COX4I1: variants seen among roughly 807,000 people sequenced by gnomAD.
The protein encoded by COX4I1 is cytochrome c oxidase subunit 4 isoform 1, mitochondrial.
Under a neutral mutation model 21.7 loss-of-function variants are expected in COX4I1, and 18 were observed. That is an observed-to-expected ratio of 0.83 (90% CI 0.57 to 1.23). COX4I1 has a LOEUF of 1.23. COX4I1 is among the 50% of genes most tolerant of loss of function. The pLI is 0.00. For missense variants in COX4I1, 238 were observed against 220.7 expected (o/e 1.08, Z -0.50); for synonymous variants, 100 against 81.5 (o/e 1.23, Z -1.23).
In COX4I1 at chr16:85,801,308, G is replaced by C. The variant is rs971942769; in HGVS notation, c.73+30G>C. The stretch of plus-strand genomic sequence containing the variant: ...GTGTGACTTTTCTTACTTTTAAATA[G>C]GCTGAACTAATTTCATTTTGCTCCT... On this transcript the variant is annotated intron_variant, in intron 2 of 4. Coordinates refer to ENST00000253452, the MANE Select transcript of COX4I1 (RefSeq NM_001861.6). The C allele has an allele frequency of 1.9e-6, 3 of 1,583,716 alleles. No individual in the cohort carries two copies. The African/African-American group carries it at 4.0e-5, about 21-fold the overall frequency.
At chr16:85,805,896 T>C in intron 4 of COX4I1, 32 bp downstream of exon 4, 1 of 1,613,222 alleles carries the variant, frequency 6.2e-7, no homozygotes, top group South Asian at 1.1e-5. Flanking sequence ...CATGGGCGCC[T>C]GGACTGGGGC....
chr16:85,800,565 A>C (rs377521175), intron 1 of COX4I1, among the ~76,000 whole-genome samples: 19 of 152,328 alleles, frequency 1.2e-4, no homozygotes, highest in African/African-American at 4.6e-4. Context: ...CTGTCACGGC[A>C]GCACAGTGCT....
At chr16:85,801,571 A>G (rs1905768576) in intron 2 of COX4I1, among the ~76,000 whole-genome samples, 1 of 152,086 alleles carries the variant, frequency 6.6e-6, no homozygotes, top group African/African-American at 2.4e-5. Flanking sequence ...CTGCACCATA[A>G]CTGACTGACC....
chr16:85,806,877 G>GAT lies in COX4I1; in HGVS notation c.*4_*5dup. On this transcript the variant is annotated 3_prime_UTR_variant, in exon 5 of 5. Coordinates refer to ENST00000253452, the MANE Select transcript of COX4I1 (RefSeq NM_001861.6). The stretch of plus-strand genomic sequence containing the variant: ...AAAAGAACGAGTGGAAGAAGTGAGA[G>GAT]ATGCTGGCCTGCGCCTGCACCTGCG... 6.2e-7 allele frequency: 1 copy of GAT among 1,612,150 alleles called. No homozygotes were observed. Among genetic ancestry groups the GAT allele is most frequent in the Non-Finnish European group, 8.5e-7 (1 of 1,178,842 alleles).
At position 85,805,776 on chromosome 16, in the gene COX4I1, G is replaced by C; in HGVS notation, c.285G>C (p.Arg95Ser). The C allele has an allele frequency of 6.2e-7, 1 of 1,614,250 alleles. No individual in the cohort carries two copies. Among genetic ancestry groups the C allele is most frequent in the Non-Finnish European group, 8.5e-7 (1 of 1,180,044 alleles). Residue 95 changes from arginine to serine, a missense_variant, in exon 4 of 5, where the codon AGG (arginine) becomes AGC (serine). Arg to Ser is a moderately radical substitution (Grantham distance 110). Transcript: ENST00000253452. ...KFKESFAEMN[R>S]GSNEWKTVVG... ...AGGAGAGCTTTGCTGAGATGAACAG[G>C]GGCTCGAACGAGTGGAAGACGGTTG...
intron 2 of COX4I1, 144 bp downstream of exon 2, chr16:85,801,422 C>A: frequency 1.7e-6 from 1 of 597,098 alleles, no homozygotes; most frequent in Non-Finnish European, 3.0e-6. Flanking sequence ...TCTCACAGGG[C>A]TTGGTTCTAG....
intron 2 of COX4I1, 49 bp downstream of exon 2, chr16:85,801,327 T>G: frequency 6.5e-7 from 1 of 1,535,894 alleles, no homozygotes; most frequent in East Asian, 2.3e-5. Flanking sequence ...AATTTCATTT[T>G]GCTCCTGCTG....
chr16:85,806,572 CAG>C, intron 4 of COX4I1, 164 bp from the exon 5 acceptor site: 1 of 940,714 alleles, frequency 1.1e-6, no homozygotes, highest in Non-Finnish European at 1.7e-6. Context: ...TTTAAAATGT[CAG>C]TGTTGTCAGT....
intron 4 of COX4I1, 129 bp downstream of exon 4, chr16:85,805,993 C>A: frequency 7.4e-7 from 1 of 1,346,506 alleles, no homozygotes; most frequent in Non-Finnish European, 1.0e-6. Context: ...GAGTTCATCT[C>A]AGGATTGTTT....
At chr16:85,806,089 G>A in intron 4 of COX4I1, 4 of 634,650 alleles carry the variant, frequency 6.3e-6, no homozygotes, top group South Asian at 6.0e-5. Flanking sequence ...TGCTTGTTGG[G>A]TGGTGAAATA....
chr16:85,800,953 T>G (rs1905688964), intron 1 of COX4I1, among the ~76,000 whole-genome samples: 1 of 152,120 alleles, frequency 6.6e-6, no homozygotes, highest in Admixed American at 6.5e-5. Context: ...AGACCAATGT[T>G]CTGTTAATTA....
At position 85,805,839 on chromosome 16, in the gene COX4I1, C is replaced by G; in HGVS notation, c.348C>G (p.Leu116=). 3.7e-6 allele frequency: 6 copies of G among 1,614,146 alleles called. No individual in the cohort carries two copies. The highest frequency in any genetic ancestry group is 2.2e-5 in the East Asian group (1 of 44,886). ...GAMFFIGFTA[L]VIMWQKHYVY... ...TGTTCTTCATCGGTTTCACCGCGCT[C>G]GTTATCATGTGGCAGAAGCACTATG... The change falls in exon 4 of 5, where the codon CTC becomes CTG. Residue 116 remains leucine (L), a synonymous_variant. Coordinates refer to ENST00000253452, the MANE Select transcript of COX4I1 (RefSeq NM_001861.6).
At chr16:85,801,634 C>T (rs985883492) in intron 2 of COX4I1, among the ~76,000 whole-genome samples, 2 of 152,178 alleles carry the variant, frequency 1.3e-5, no homozygotes, top group East Asian at 3.9e-4. Context: ...ATTTGCATCA[C>T]CTCTGTTTAC....
At chr16:85,803,355 G>C (rs769667249) in intron 2 of COX4I1, 1 of 152,214 alleles carries the variant, frequency 6.6e-6, no homozygotes, top group Admixed American at 6.5e-5. Flanking sequence ...GAAACATCTA[G>C]AGAAGTCTAT....
chr16:85,801,168 C>T lies in COX4I1; in HGVS notation c.-1-37C>T, dbSNP rs200718347. The T allele has an allele frequency of 1.9e-6, 3 of 1,550,920 alleles. No homozygotes were observed. The African/African-American group carries it at 4.1e-5, about 21-fold the overall frequency. On this transcript the variant is annotated intron_variant, in intron 1 of 4. Transcript: ENST00000253452. ...GAAGACTAATTCCTTGCTGTTTGTCCTTATTCATAGAGAAGGTGTACATTT... is the reference window on the plus strand; with the variant it reads ...GAAGACTAATTCCTTGCTGTTTGTCTTTATTCATAGAGAAGGTGTACATTT...
chr16:85,803,817 A>G (rs975136804), intron 2 of COX4I1: 10 of 152,236 alleles, frequency 6.6e-5, no homozygotes, highest in African/African-American at 2.2e-4. Context: ...TCCTGAGTGC[A>G]CGCTTCCTCT....
At chr16:85,801,611 A>T (rs1905771595) in intron 2 of COX4I1, among the ~76,000 whole-genome samples, 2 of 152,044 alleles carry the variant, frequency 1.3e-5, no homozygotes, top group African/African-American at 4.8e-5. Flanking sequence ...CCTTGCCCCC[A>T]CAACTCCCAA....
At position 85,804,936 on chromosome 16, in the gene COX4I1, GA is replaced by G; in HGVS notation, c.76del (p.Ser26ValfsTer3). The stretch of plus-strand genomic sequence containing the variant: ...AAAGATTTATTCAATATGTTTTTCA[GA>G]AAGTGTTGTGAAGAGCGAAGACTTT... Reference protein sequence around the residue: ...ISTSVCVRAHESVVKSEDFSL... With the variant: ...ISTSVCVRAHXSVVKSEDFSL... On this transcript the variant is annotated frameshift_variant and splice_region_variant, in exon 3 of 5. Coordinates refer to ENST00000253452, the MANE Select transcript of COX4I1 (RefSeq NM_001861.6). LOFTEE classifies it high-confidence loss of function. 1 of 1,599,472 alleles carries G rather than the reference GA, an allele frequency of 6.3e-7. No homozygotes were observed.
intron 2 of COX4I1, among the ~76,000 whole-genome samples, chr16:85,802,355 G>C (rs75642777): frequency 0.013 from 1,930 of 152,314 alleles, 20 homozygotes; most frequent in Non-Finnish European, 0.022. Context: ...ATGAATGCAT[G>C]TCTATTTGAG....
Sources: allele counts gnomAD v4.1 joint callset (sites outside exome capture counted in the v4.1 genomes callset), GRCh38; gene constraint gnomAD v4.1.1; transcripts MANE v1.5; gene names NCBI Gene and HGNC (gene_info 2026-07-23, HGNC 2026-07-21).